HS6ST3: variants seen among roughly 807,000 people sequenced by gnomAD.
HS6ST3 encodes the protein heparan-sulfate 6-O-sulfotransferase 3.
In HS6ST3, 12 loss-of-function variants were observed where a neutral mutation model predicts 36.7. That is an observed-to-expected ratio of 0.33 (90% CI 0.21 to 0.53). The LOEUF is 0.53. HS6ST3 is among the 20% of genes least tolerant of loss of function. The pLI is 0.95. For synonymous variants in HS6ST3, 240 were observed against 257.5 expected (o/e 0.93, Z 0.65); for missense variants, 584 against 640.9 (o/e 0.91, Z 0.96).
chr13:96,516,522 G>T (rs902068203), intron 1 of HS6ST3, among the ~76,000 whole-genome samples: 1 of 152,068 alleles, frequency 6.6e-6, no homozygotes, highest in Non-Finnish European at 1.5e-5. Flanking sequence ...ACAAAAAATA[G>T]CAAAACATTG....
At chr13:96,399,491 G>T (rs942449332) in intron 1 of HS6ST3, among the ~76,000 whole-genome samples, 1 of 152,146 alleles carries the variant, frequency 6.6e-6, no homozygotes, top group Non-Finnish European at 1.5e-5. Context: ...AATCTTTACT[G>T]AGATTTTTAT....
chr13:96,166,575 C>CT (rs765190619), intron 1 of HS6ST3, among the ~76,000 whole-genome samples: 1,448 of 131,566 alleles, frequency 0.011, 15 homozygotes, highest in East Asian at 0.029. Context: ...TTCTTTCTTT[C>CT]TTTTTTTTTT....
chr13:96,443,566 C>A (rs1224362758), intron 1 of HS6ST3, among the ~76,000 whole-genome samples: 1 of 149,032 alleles, frequency 6.7e-6, no homozygotes, highest in African/African-American at 2.5e-5. Context: ...TAAAATGTAG[C>A]CTAATTTTGA....
chr13:96,400,243 A>C (rs190524094), intron 1 of HS6ST3, among the ~76,000 whole-genome samples: 5 of 151,412 alleles, frequency 3.3e-5, no homozygotes, highest in East Asian at 1.9e-4. Context: ...GCAGACACAC[A>C]CAGATACACA....
At chr13:96,359,737 G>T (rs551745488) in intron 1 of HS6ST3, among the ~76,000 whole-genome samples, 387 of 152,264 alleles carry the variant, frequency 2.5e-3, no homozygotes, top group Non-Finnish European at 4.4e-3. Flanking sequence ...TCATACCATT[G>T]TTCTGAACAT....
At chr13:96,628,653 C>T (rs914913849) in intron 1 of HS6ST3, among the ~76,000 whole-genome samples, 1 of 152,072 alleles carries the variant, frequency 6.6e-6, no homozygotes, top group African/African-American at 2.4e-5. Context: ...TAATTCAAAG[C>T]CACATTGTTA....
intron 1 of HS6ST3, among the ~76,000 whole-genome samples, chr13:96,601,445 G>A (rs1309620262): frequency 6.6e-6 from 1 of 151,832 alleles, no homozygotes; most frequent in Non-Finnish European, 1.5e-5. Flanking sequence ...TTCCCTAACT[G>A]TGTTTATAAT....
chr13:96,798,514 A>C (rs1218618180), intron 1 of HS6ST3, among the ~76,000 whole-genome samples: 1 of 152,066 alleles, frequency 6.6e-6, no homozygotes, highest in Non-Finnish European at 1.5e-5. Flanking sequence ...GTGCGCTAGG[A>C]GACTGGGATG....
At chr13:96,298,757 C>T (rs1362974686) in intron 1 of HS6ST3, among the ~76,000 whole-genome samples, 1 of 152,132 alleles carries the variant, frequency 6.6e-6, no homozygotes, top group Non-Finnish European at 1.5e-5. Flanking sequence ...GTGTCCTCTG[C>T]CTATTTTAAG....
chr13:96,097,703 C>G (rs771731221), intron 1 of HS6ST3, among the ~76,000 whole-genome samples: 4 of 152,130 alleles, frequency 2.6e-5, no homozygotes, highest in Non-Finnish European at 5.9e-5. Context: ...TAAATTATAG[C>G]TGAGCATTCA....
intron 1 of HS6ST3, among the ~76,000 whole-genome samples, chr13:96,250,798 G>C (rs1458680243): frequency 6.6e-6 from 1 of 152,114 alleles, no homozygotes; most frequent in South Asian, 2.1e-4. Context: ...ATCCTGAAAG[G>C]CTTTTGAATT....
chr13:96,790,932 TA>T (rs1877772663), intron 1 of HS6ST3, among the ~76,000 whole-genome samples: 1 of 152,088 alleles, frequency 6.6e-6, no homozygotes, highest in Admixed American at 6.6e-5. Context: ...CCTATATGTG[TA>T]ATAAAATTCT....
chr13:96,245,805 A>G (rs1331180970), intron 1 of HS6ST3, among the ~76,000 whole-genome samples: 1 of 152,140 alleles, frequency 6.6e-6, no homozygotes, highest in Non-Finnish European at 1.5e-5. Context: ...TTTAGATGCA[A>G]AAGTCAAAAA....
At chr13:96,814,548 T>C (rs1878381445) in intron 1 of HS6ST3, among the ~76,000 whole-genome samples, 1 of 152,214 alleles carries the variant, frequency 6.6e-6, no homozygotes, top group Non-Finnish European at 1.5e-5. Flanking sequence ...TGCACAGTTT[T>C]TTAGACTTAG....
intron 1 of HS6ST3, among the ~76,000 whole-genome samples, chr13:96,206,599 A>G (rs570031067): frequency 2.0e-5 from 3 of 152,354 alleles, no homozygotes; most frequent in East Asian, 1.9e-4. Flanking sequence ...TGGTGCTGGT[A>G]CAAGAACAGA....
At chr13:96,302,927 T>G (rs1456732989) in intron 1 of HS6ST3, among the ~76,000 whole-genome samples, 2 of 152,222 alleles carry the variant, frequency 1.3e-5, no homozygotes, top group African/African-American at 2.4e-5. Flanking sequence ...TCTGCTACTT[T>G]ATTTTGTAAA....
chr13:96,653,142 A>T (rs550916222), intron 1 of HS6ST3, among the ~76,000 whole-genome samples: 2 of 152,216 alleles, frequency 1.3e-5, no homozygotes, highest in Non-Finnish European at 2.9e-5. Context: ...TCTTGAACCA[A>T]GAGTGACTTT....
chr13:96,406,424 G>T (rs2055478693), intron 1 of HS6ST3, among the ~76,000 whole-genome samples: 1 of 152,160 alleles, frequency 6.6e-6, no homozygotes, highest in African/African-American at 2.4e-5. Context: ...TTTCGTGGCT[G>T]TGAAAATACC....
intron 1 of HS6ST3, among the ~76,000 whole-genome samples, chr13:96,577,679 G>A (rs4548722): frequency 0.16 from 24,921 of 151,912 alleles, 2,845 homozygotes; most frequent in African/African-American, 0.33. Flanking sequence ...AAACATGGGC[G>A]AAGGACATGA....
Sources: gnomAD v4.1 joint callset for allele counts (sites outside exome capture counted in the v4.1 genomes callset) on GRCh38, gnomAD v4.1.1 for gene constraint, MANE v1.5 for transcripts, NCBI Gene and HGNC (gene_info 2026-07-23, HGNC 2026-07-21) for gene names.